Variants in PARD3B observed in about 807,000 individuals in gnomAD.
PARD3B encodes the protein par-3 family cell polarity regulator beta, also known as partitioning defective 3 homolog B.
Under a neutral mutation model 130.2 loss-of-function variants are expected in PARD3B, and 103 were observed. The ratio of observed to expected loss-of-function variants is 0.79; its 90% CI spans 0.67 to 0.93. The LOEUF is 0.93. Ranked by LOEUF, PARD3B falls within the 40% of genes least tolerant of loss-of-function variation. The pLI, the probability that PARD3B is intolerant of heterozygous loss-of-function variation, is 0.00. For synonymous variants in PARD3B, 583 were observed against 553.2 expected, an observed-to-expected ratio of 1.05 and a Z score of -0.76; for missense variants, 1,609 against 1,499.2, an observed-to-expected ratio of 1.07 and a Z score of -1.21.
intron 18 of PARD3B, among the ~76,000 whole-genome samples, chr2:205,326,416 T>A (rs2042942085): frequency 6.6e-6 from 1 of 152,200 alleles, no homozygotes; most frequent in Non-Finnish European, 1.5e-5. Context: ...AAGAATTGGC[T>A]GCAACCCCAG....
At chr2:205,543,101 C>T (rs1461076324) in intron 21 of PARD3B, among the ~76,000 whole-genome samples, 2 of 151,996 alleles carry the variant, frequency 1.3e-5, no homozygotes, top group Non-Finnish European at 2.9e-5. Flanking sequence ...TATTAATGAA[C>T]GGACTGATAC....
chr2:204,545,910 C>T lies in PARD3B; in HGVS notation c.-90C>T. The T allele has an allele frequency of 7.2e-7, 1 of 1,388,100 alleles. No homozygotes were observed. The highest frequency in any genetic ancestry group is 3.1e-5 in the Admixed American group (1 of 32,574). The allele number at this position is 1,388,100 out of a possible 1,614,324, so 86.0% of individuals were successfully genotyped here. A position where few individuals can be genotyped will look rare whatever the true frequency, so the allele number is the denominator to read the frequency against. On this transcript the variant is annotated 5_prime_UTR_variant, in exon 1 of 23. Coordinates refer to ENST00000406610, the MANE Select transcript of PARD3B (RefSeq NM_001302769.2). ...GCGGCGCCCCGGGTCTCTGGGCCCA[C>T]CCGCCCCGGGCGTCCTCCGAGAGTG...
At chr2:204,596,962 C>CTA (rs1410872297) in intron 1 of PARD3B, among the ~76,000 whole-genome samples, 80 of 146,276 alleles carry the variant, frequency 5.5e-4, no homozygotes, top group African/African-American at 1.5e-3. Context: ...CTCTCTCTCT[C>CTA]TATATATATA....
intron 20 of PARD3B, among the ~76,000 whole-genome samples, chr2:205,467,850 C>T (rs1180482085): frequency 6.6e-6 from 1 of 152,160 alleles, no homozygotes; most frequent in Non-Finnish European, 1.5e-5. Flanking sequence ...CCTGAACTGC[C>T]ACTAAACAAG....
In PARD3B at chr2:205,403,516, GAAAA is replaced by G. The variant is rs141265560; in HGVS notation, c.2741+2400_2741+2403del. ...AGGAGGCAATTATCCAAAGAGGCAG[GAAAA>G]AAAAAACCAAATTCAACCACATGAT... On this transcript the variant is annotated intron_variant, in intron 19 of 22. Transcript: ENST00000406610. Among the ~76,000 whole-genome samples, 43 of 148,448 alleles carry G rather than the reference GAAAA, an allele frequency of 2.9e-4. No individual in the cohort carries two copies. The South Asian group carries it at 8.9e-3, about 31-fold the overall frequency.
At chr2:205,219,319 T>G (rs2038114477) in intron 15 of PARD3B, among the ~76,000 whole-genome samples, 1 of 152,202 alleles carries the variant, frequency 6.6e-6, no homozygotes, top group Non-Finnish European at 1.5e-5. Flanking sequence ...ATGAGTTCAC[T>G]AGAGTGTGTG....
intron 12 of PARD3B, among the ~76,000 whole-genome samples, chr2:205,173,789 C>A (rs986460330): frequency 1.3e-5 from 2 of 152,106 alleles, no homozygotes; most frequent in African/African-American, 4.8e-5. Context: ...AGTTATAACA[C>A]CCTTATCTGC....
At chr2:204,547,048 A>G (rs1283740729) in intron 1 of PARD3B, among the ~76,000 whole-genome samples, 1 of 152,204 alleles carries the variant, frequency 6.6e-6, no homozygotes, top group African/African-American at 2.4e-5. Context: ...GGCAAGTCAC[A>G]AATTCTTGTT....
At chr2:204,554,467 A>G (rs1165406839) in intron 1 of PARD3B, among the ~76,000 whole-genome samples, 3 of 152,012 alleles carry the variant, frequency 2.0e-5, no homozygotes, top group Admixed American at 6.6e-5. Flanking sequence ...AATGCTTGTC[A>G]TCACCCTTGA....
intron 2 of PARD3B, among the ~76,000 whole-genome samples, chr2:204,730,073 C>CT (rs1457795699): frequency 2.0e-5 from 3 of 150,940 alleles, no homozygotes; most frequent in Non-Finnish European, 3.0e-5. Context: ...TAATTTCTTT[C>CT]TTTCTTTCTT....
intron 21 of PARD3B, among the ~76,000 whole-genome samples, chr2:205,511,549 G>A (rs1287922132): frequency 6.6e-6 from 1 of 152,126 alleles, no homozygotes; most frequent in Non-Finnish European, 1.5e-5. Flanking sequence ...ACTGCAATGG[G>A]AGAAATGACC....
chr2:205,061,814 C>T (rs986609409), intron 4 of PARD3B, among the ~76,000 whole-genome samples: 4 of 151,680 alleles, frequency 2.6e-5, no homozygotes, highest in Admixed American at 1.3e-4. Context: ...AAAAAAATTC[C>T]TCCAAAGGCA....
At chr2:204,790,349 AG>A (rs745747675) in intron 2 of PARD3B, among the ~76,000 whole-genome samples, 1 of 152,166 alleles carries the variant, frequency 6.6e-6, no homozygotes, top group Non-Finnish European at 1.5e-5. Context: ...TTTCATGAAG[AG>A]GGGTTTTTTA....
At position 205,446,676 on chromosome 2, in the gene PARD3B, C is replaced by A. The variant is rs578128980; in HGVS notation, c.3044+6004C>A. On this transcript the variant is annotated intron_variant, in intron 20 of 22. Transcript: ENST00000406610. This position sits in a 1 kb window ranked among gnomAD's most constrained non-coding sequence, Gnocchi z 4.4. ...TTATAAAAGATTCATCTATAAATGA[C>A]AGTGGTTAAAAAAAAATTTCTACCA... 5.3e-5 allele frequency among the ~76,000 whole-genome samples: 8 copies of A among 152,074 alleles called. No homozygotes were observed. Among genetic ancestry groups the A allele is most frequent in the African/African-American group, 1.9e-4 (8 of 41,444 alleles).
chr2:204,644,561 A>C (rs1251742509), intron 1 of PARD3B, among the ~76,000 whole-genome samples: 1 of 152,164 alleles, frequency 6.6e-6, no homozygotes, highest in Non-Finnish European at 1.5e-5. Flanking sequence ...CTCTTTCAAA[A>C]TTAGAATATT....
At position 205,575,375 on chromosome 2, in the gene PARD3B, A is replaced by G. The variant is rs1029469254; in HGVS notation, c.3260+21972A>G. On this transcript the variant is annotated intron_variant, in intron 22 of 22. Transcript: ENST00000406610. The surrounding 1 kb of genome is among the most constrained non-coding windows in gnomAD (Gnocchi z 4.6). ...ACATCTGATGACCCTGCATTGACAC[A>G]TCATAATCACCCAAAGCCCATAGTT... Among the ~76,000 whole-genome samples, 2 of 151,060 alleles carry G rather than the reference A, an allele frequency of 1.3e-5. No individual in the cohort carries two copies. The highest frequency in any genetic ancestry group is 2.4e-5 in the African/African-American group (1 of 41,034).
chr2:204,854,666 G>T (rs991155512), intron 2 of PARD3B, among the ~76,000 whole-genome samples: 1 of 151,998 alleles, frequency 6.6e-6, no homozygotes. Flanking sequence ...TGACCTCCTC[G>T]GGACATGAGG....
intron 21 of PARD3B, among the ~76,000 whole-genome samples, chr2:205,528,384 G>T (rs1045360416): frequency 6.6e-6 from 1 of 152,120 alleles, no homozygotes; most frequent in Non-Finnish European, 1.5e-5. Context: ...GCCCAGATGG[G>T]TAACTGAGGC....
chr2:205,615,927 C>T lies in PARD3B; in HGVS notation c.*114C>T, dbSNP rs901870436. Reference sequence around the variant, plus strand: ...AGGAATTCTCCATGTTACTGATAAGCTTTTTCTCACTGACATTGTAACGCA... The same window carrying T: ...AGGAATTCTCCATGTTACTGATAAGTTTTTTCTCACTGACATTGTAACGCA... On this transcript the variant is annotated 3_prime_UTR_variant, in exon 23 of 23. Coordinates refer to ENST00000406610, the MANE Select transcript of PARD3B (RefSeq NM_001302769.2). The T allele has an allele frequency of 2.2e-5, 20 of 890,306 alleles. No individual in the cohort carries two copies. The highest frequency in any genetic ancestry group is 3.3e-5 in the Non-Finnish European group (19 of 571,246). The allele number at this position is 890,306 out of a possible 1,614,324, so 55.2% of individuals were successfully genotyped here. A position where few individuals can be genotyped will look rare whatever the true frequency, so the allele number is the denominator to read the frequency against.
Sources: allele counts gnomAD v4.1 joint callset (sites outside exome capture counted in the v4.1 genomes callset), GRCh38; gene constraint gnomAD v4.1.1; non-coding constraint Gnocchi (gnomAD v3.1); transcripts MANE v1.5; gene names NCBI Gene and HGNC (gene_info 2026-07-23, HGNC 2026-07-21).